The following MARF1 variants were observed in gnomAD, a reference collection of about 807,000 sequenced individuals.
MARF1 encodes limkain-b1.
Under a neutral mutation model 168.2 loss-of-function variants are expected in MARF1, and 24 were observed. The observed-to-expected ratio is 0.14, with a 90% CI of 0.10 to 0.20. MARF1 has a LOEUF of 0.20. Among genes scored for constraint, MARF1 ranks in the 10% least tolerant of loss-of-function variants. MARF1 has a pLI of 1.00. For missense variants in MARF1, 1,744 were observed against 2,143.6 expected, an observed-to-expected ratio of 0.81 and a Z score of 3.68; for synonymous variants, 868 against 822.4, an observed-to-expected ratio of 1.06 and a Z score of -0.95.
At chr16:15,621,999 T>A (rs746817684) in intron 11 of MARF1, 88 bp from the exon 12 acceptor site, 67 of 1,237,748 alleles carry the variant, frequency 5.4e-5, no homozygotes, top group Admixed American at 6.5e-5. Context: ...AGGAACACAT[T>A]TGTCGACTGC....
Position 15,596,308 on chromosome 16 carries a change from A to G in MARF1, c.*385T>C, listed in dbSNP as rs1198076537. ...AAAGGCTGAGAGACTCTATTATGCT[A>G]CATGTAGGATGACACCACCGACGTG... On this transcript the variant is annotated 3_prime_UTR_variant, in exon 27 of 27. Transcript: ENST00000396368. The G allele has an allele frequency of 6.2e-6, 1 of 161,418 alleles. No individual in the cohort carries two copies. Among genetic ancestry groups the G allele is most frequent in the African/African-American group, 2.4e-5 (1 of 41,646 alleles). 10.0% of individuals were successfully genotyped at this position (161,418 alleles called of 1,614,324 possible).
At chr16:15,609,889 A>G (rs1035358281) in intron 19 of MARF1, among the ~76,000 whole-genome samples, 164 bp from the exon 20 acceptor site, 33 of 152,190 alleles carry the variant, frequency 2.2e-4, no homozygotes, top group African/African-American at 7.2e-4. Context: ...CCTCTTTGCA[A>G]GTGGTTCTCA....
chr16:15,624,286 C>T (rs1173061634), intron 10 of MARF1, among the ~76,000 whole-genome samples: 1 of 152,192 alleles, frequency 6.6e-6, no homozygotes, highest in Non-Finnish European at 1.5e-5. Flanking sequence ...CTAAAAGGAG[C>T]TCATGGGAAT....
chr16:15,619,232 G>A (rs1293952652), intron 13 of MARF1, among the ~76,000 whole-genome samples: 3 of 152,216 alleles, frequency 2.0e-5, no homozygotes, highest in African/African-American at 2.4e-5. Context: ...ACCTAGGGTC[G>A]TGCCCCTGCA....
intron 24 of MARF1, 36 bp downstream of exon 24, chr16:15,600,604 GA>G (rs1382412377): frequency 1.5e-5 from 25 of 1,614,122 alleles, no homozygotes; most frequent in Non-Finnish European, 1.9e-5. Context: ...AGAGAACCGT[GA>G]TTTTTTAAGG....
chr16:15,611,493 G>T, intron 18 of MARF1, 99 bp downstream of exon 18: 41 of 787,254 alleles, frequency 5.2e-5, no homozygotes, highest in Non-Finnish European at 7.0e-5. Flanking sequence ...TTTTCCAAAA[G>T]AATGCTTAAT....
chr16:15,608,613 A>T, intron 20 of MARF1, 95 bp from the exon 21 acceptor site: 1 of 842,948 alleles, frequency 1.2e-6, no homozygotes, highest in Non-Finnish European at 1.9e-6. Flanking sequence ...ATGAAAAAAC[A>T]AGTCAGCGTT....
rs186608066 is a variant in MARF1 at position 15,616,619 on chromosome 16, C to G, written c.3077+433G>C. On this transcript the variant is annotated intron_variant, in intron 15 of 26. Coordinates refer to ENST00000396368, the MANE Select transcript of MARF1 (RefSeq NM_014647.4). Reference sequence around the variant, plus strand: ...CTGCTTCATGATGGGGATATGTACTCAATAATGTGTTGCTGGGTGATTCTG... The same window carrying G: ...CTGCTTCATGATGGGGATATGTACTGAATAATGTGTTGCTGGGTGATTCTG... Among the ~76,000 whole-genome samples the G allele has an allele frequency of 2.2e-3, 341 of 152,262 alleles. 1 individual carries two copies. The highest frequency in any genetic ancestry group is 3.4e-3 in the Non-Finnish European group (229 of 68,018).
rs1314832571 is a variant in MARF1, at chr16:15,625,045, C to T, written c.2082G>A (p.Val694=). 7.4e-6 allele frequency: 12 copies of T among 1,614,008 alleles called. No individual in the cohort carries two copies. Among genetic ancestry groups the T allele is most frequent in the African/African-American group, 2.7e-5 (2 of 74,884 alleles). The change falls in exon 9 of 27, where the codon GTG becomes GTA. Residue 694 remains valine, a synonymous_variant. Transcript: ENST00000396368. ...AAVSTPKNSG[V]AEPVYKTSQK... ...GACTGGTTTTGTAAACGGGTTCTGC[C>T]ACCCCCGAGTTTTTCGGCGTCGACA...
rs748882930 is a variant in MARF1, at chr16:15,617,459, G to A, written c.2797C>T (p.Arg933Trp). 16 of 1,613,886 alleles carry A rather than the reference G, an allele frequency of 9.9e-6. No homozygotes were observed. Among genetic ancestry groups the A allele is most frequent in the Admixed American group, 6.7e-5 (4 of 60,004 alleles). The change falls in exon 14 of 27, where the codon CGG becomes TGG. Residue 933 changes from arginine (R) to tryptophan (W), a missense_variant. Transcript: ENST00000396368. ...CTGCTGGGTAGGAGACACACCAGCC[G>A]TCCGTTTCCTTGTTCACGGATTGCG... ...TVAIREQGNG[R>W]LVCLLPSSQA...
chr16:15,624,664 C>T (rs377676276), intron 10 of MARF1, 105 bp downstream of exon 10: 5 of 1,091,196 alleles, frequency 4.6e-6, no homozygotes, highest in Non-Finnish European at 6.7e-6. Flanking sequence ...GGGAGACTTA[C>T]TTTGTGCATT....
At chr16:15,625,260 T>C in intron 8 of MARF1, 87 bp from the exon 9 acceptor site, 1 of 1,560,396 alleles carries the variant, frequency 6.4e-7, no homozygotes, top group Non-Finnish European at 8.7e-7. Context: ...ACTTTGAGTA[T>C]CATCAAACAC....
chr16:15,608,723 TA>T, intron 20 of MARF1: 3 of 569,652 alleles, frequency 5.3e-6, no homozygotes, highest in Non-Finnish European at 6.2e-6. Context: ...ACAGGAGATA[TA>T]AAGATAGTTA....
chr16:15,598,869 G>A lies in MARF1; in HGVS notation c.4969C>T (p.Pro1657Ser), dbSNP rs1567523201. The change falls in exon 26 of 27, where the codon CCT (proline) becomes TCT (serine). Residue 1657 changes from proline (P) to serine (S), a missense_variant. Transcript: ENST00000396368. ...SADLIQFEERPQEPSEIMILN... is the reference protein window; with the variant it reads ...SADLIQFEERSQEPSEIMILN... The stretch of plus-strand genomic sequence containing the variant: ...AGTCACCCACCAGAAGGCTCTTGAG[G>A]GCGCTCCTCAAACTGAATGAGATCA... 6.2e-7 allele frequency: 1 copy of A among 1,614,118 alleles called. No individual in the cohort carries two copies. Among genetic ancestry groups the A allele is most frequent in the South Asian group, 1.1e-5 (1 of 91,084 alleles).
chr16:15,630,737 T>C (rs1338575535), intron 6 of MARF1, among the ~76,000 whole-genome samples: 1 of 151,812 alleles, frequency 6.6e-6, no homozygotes, highest in African/African-American at 2.4e-5. Flanking sequence ...GGAGCAAATA[T>C]GTTGGGGAGA....
In MARF1 at chr16:15,617,514, C is replaced by T. The variant is rs368835842; in HGVS notation, c.2742G>A (p.Val914=). 10 of 1,612,356 alleles carry T rather than the reference C, an allele frequency of 6.2e-6. No individual in the cohort carries two copies. The African/African-American group carries it at 1.1e-4, about 17-fold the overall frequency. Residue 914 remains valine (V), a synonymous_variant, in exon 14 of 27, where the codon GTG becomes GTA. Transcript: ENST00000396368. ...YEKKFGHKLN[V]SDLYKLTDTV... Reference sequence around the variant, plus strand: ...TGTCTGTTAATTTATATAGATCTGACACATTCAACTTGTGTCCAAACCTAA... The same window carrying T: ...TGTCTGTTAATTTATATAGATCTGATACATTCAACTTGTGTCCAAACCTAA...
chr16:15,607,418 G>A (rs534749383), intron 21 of MARF1, among the ~76,000 whole-genome samples: 5 of 152,000 alleles, frequency 3.3e-5, no homozygotes, highest in Admixed American at 6.5e-5. Flanking sequence ...GCGTAGTGGC[G>A]GGCGCCTGTA....
At chr16:15,640,242 C>T (rs2035859732) in intron 1 of MARF1, among the ~76,000 whole-genome samples, 1 of 152,184 alleles carries the variant, frequency 6.6e-6, no homozygotes, top group African/African-American at 2.4e-5. Context: ...TAAGTGGCCT[C>T]TGTGGACTTT....
rs768760857 is a variant in MARF1 at position 15,600,490 on chromosome 16, C to T, written c.4751G>A (p.Arg1584His). Reference sequence around the variant, plus strand: ...GTGCGATTCGGGCACCTCCAGGATGCGCTCGCCCTCCGAGGGCTGGTTTTC... The same window carrying T: ...GTGCGATTCGGGCACCTCCAGGATGTGCTCGCCCTCCGAGGGCTGGTTTTC... ...NHENQPSEGERILEVPESHTA... is the reference protein window; with the variant it reads ...NHENQPSEGEHILEVPESHTA... Residue 1584 changes from arginine to histidine, a missense_variant, in exon 25 of 27, where the codon CGC (arginine) becomes CAC (histidine). Transcript: ENST00000396368. 5.6e-6 allele frequency: 9 copies of T among 1,614,042 alleles called. No individual in the cohort carries two copies. Among genetic ancestry groups the T allele is most frequent in the East Asian group, 4.5e-5 (2 of 44,890 alleles).
Sources: allele counts gnomAD v4.1 joint callset (sites outside exome capture counted in the v4.1 genomes callset), GRCh38; gene constraint gnomAD v4.1.1; transcripts MANE v1.5; gene names NCBI Gene and HGNC (gene_info 2026-07-23, HGNC 2026-07-21).